TTC29: variants seen among roughly 807,000 people sequenced by gnomAD.
TTC29 encodes the protein tetratricopeptide repeat domain 29.
In TTC29, 49 loss-of-function variants were observed where a neutral mutation model predicts 58.1. The observed-to-expected ratio is 0.84, with a 90% CI of 0.67 to 1.07. TTC29 has a LOEUF of 1.07. Ranked by LOEUF, TTC29 falls within the 50% of genes least tolerant of loss-of-function variation. The pLI is 0.00. For synonymous variants in TTC29, 209 were observed against 196.8 expected, an observed-to-expected ratio of 1.06 and a Z score of -0.52; for missense variants, 582 against 555.6, an observed-to-expected ratio of 1.05 and a Z score of -0.48.
chr4:146,915,249 C>G (rs1017633149), intron 4 of TTC29, among the ~76,000 whole-genome samples: 1 of 152,050 alleles, frequency 6.6e-6, no homozygotes, highest in Non-Finnish European at 1.5e-5. Context: ...TGTATTGTTG[C>G]TTTTTCTTCT....
chr4:146,750,145 C>A (rs1225138835), intron 11 of TTC29, among the ~76,000 whole-genome samples: 1 of 151,990 alleles, frequency 6.6e-6, no homozygotes, highest in Non-Finnish European at 1.5e-5. Flanking sequence ...GTAGCTGGGA[C>A]TACAGGCGCC....
At chr4:146,775,818 T>C (rs1249225223) in intron 11 of TTC29, among the ~76,000 whole-genome samples, 5 of 152,192 alleles carry the variant, frequency 3.3e-5, no homozygotes, top group Non-Finnish European at 1.5e-5. Flanking sequence ...GGTTGGGAAA[T>C]TTTCATGGAT....
chr4:146,839,852 A>G (rs1728743586), intron 8 of TTC29, among the ~76,000 whole-genome samples: 1 of 151,838 alleles, frequency 6.6e-6, no homozygotes, highest in African/African-American at 2.4e-5. Context: ...TTTCCCTGGC[A>G]ATTTGCTCAG....
At chr4:146,793,277 T>A (rs1266470526) in intron 11 of TTC29, among the ~76,000 whole-genome samples, 3 of 152,156 alleles carry the variant, frequency 2.0e-5, no homozygotes, top group Non-Finnish European at 4.4e-5. Context: ...AGTCAATCAA[T>A]GTGACAAACT....
chr4:146,877,358 A>G (rs373392345), intron 6 of TTC29, among the ~76,000 whole-genome samples: 6 of 152,126 alleles, frequency 3.9e-5, no homozygotes, highest in African/African-American at 1.4e-4. Context: ...AGGATATACA[A>G]TGAAAGTTAT....
At chr4:146,726,906 T>G (rs1335860617) in intron 11 of TTC29, among the ~76,000 whole-genome samples, 1 of 152,074 alleles carries the variant, frequency 6.6e-6, no homozygotes, top group Admixed American at 6.5e-5. Flanking sequence ...AATTTTTGCA[T>G]AGATGATTCT....
chr4:146,806,225 C>T (rs977524585), intron 10 of TTC29, among the ~76,000 whole-genome samples: 1 of 152,164 alleles, frequency 6.6e-6, no homozygotes, highest in Non-Finnish European at 1.5e-5. Flanking sequence ...ACAAGAGCTC[C>T]TGAAGGAAAC....
chr4:146,940,512 C>T (rs1736281969), intron 2 of TTC29, among the ~76,000 whole-genome samples: 1 of 152,154 alleles, frequency 6.6e-6, no homozygotes, highest in Non-Finnish European at 1.5e-5. Context: ...TTACATGGTT[C>T]AGGAATAAGG....
chr4:146,761,054 A>C lies in TTC29; in HGVS notation c.1330+42403T>G, dbSNP rs569104037. 4.1e-4 allele frequency among the ~76,000 whole-genome samples: 63 copies of C among 151,874 alleles called. 1 individual carries two copies. The highest frequency in any genetic ancestry group is 1.5e-3 in the African/African-American group (61 of 41,494). On this transcript the variant is annotated intron_variant, in intron 11 of 12. Transcript: ENST00000325106. ...GTGGGAGCTAAGCTATGAGGATGCA[A>C]AGGCATAAGAATGATACAATGGACT...
chr4:146,724,520 ACTT>A (rs1367199815), intron 11 of TTC29, among the ~76,000 whole-genome samples: 4 of 151,494 alleles, frequency 2.6e-5, no homozygotes, highest in African/African-American at 7.3e-5. Context: ...TTTATGTTCA[ACTT>A]CTTTTTTTTT....
chr4:146,739,025 T>G (rs1744927230), intron 11 of TTC29, among the ~76,000 whole-genome samples: 1 of 152,246 alleles, frequency 6.6e-6, no homozygotes, highest in Non-Finnish European at 1.5e-5. Context: ...TGGAGCACAA[T>G]TTTGGCAAAA....
rs759613070 is a variant in TTC29, at chr4:146,764,626, T to A, written c.1330+38831A>T. ...AGTTATGTAAGAATTTTTCCTATTT[T>A]AAAAAAATCATGTTCGAACATAGGT... On this transcript the variant is annotated intron_variant, in intron 11 of 12. Transcript: ENST00000325106. Among the ~76,000 whole-genome samples the A allele has an allele frequency of 9.9e-5, 15 of 152,074 alleles. No homozygotes were observed. In the South Asian group the frequency reaches 1.0e-3, roughly 10 times the overall value.
intron 11 of TTC29, among the ~76,000 whole-genome samples, chr4:146,722,833 G>C (rs1743471108): frequency 6.6e-6 from 1 of 152,058 alleles, no homozygotes; most frequent in African/African-American, 2.4e-5. Context: ...CAGTAGCTGG[G>C]ATTACAGGTA....
intron 8 of TTC29, among the ~76,000 whole-genome samples, chr4:146,839,231 A>G (rs116176934): frequency 0.065 from 9,881 of 152,032 alleles, 422 homozygotes; most frequent in Admixed American, 0.13. Context: ...AATAAGCGCT[A>G]ATATTTGATA....
rs898003435 is a variant in TTC29 at position 146,915,492 on chromosome 4, G to A, written c.177-6243C>T. On this transcript the variant is annotated intron_variant, in intron 4 of 12. Transcript: ENST00000325106. The stretch of plus-strand genomic sequence containing the variant: ...GCATCCAGGAAGAGCAAATTAAATG[G>A]ATATGGTTCCCACTCAAGGGTGTAA... Among the ~76,000 whole-genome samples, 3 of 151,898 alleles carry A rather than the reference G, an allele frequency of 2.0e-5. No individual in the cohort carries two copies. In the East Asian group the frequency reaches 5.8e-4, roughly 29 times the overall value.
At chr4:146,782,931 A>G (rs1196971579) in intron 11 of TTC29, among the ~76,000 whole-genome samples, 1 of 152,018 alleles carries the variant, frequency 6.6e-6, no homozygotes, top group Non-Finnish European at 1.5e-5. Context: ...CCAGAAACCC[A>G]TGTGGTCCCC....
At chr4:146,814,728 A>G (rs1751277222) in intron 10 of TTC29, among the ~76,000 whole-genome samples, 2 of 128,532 alleles carry the variant, frequency 1.6e-5, no homozygotes, top group African/African-American at 5.7e-5. Flanking sequence ...CCATCTCAAA[A>G]AAAAAAAAAA....
intron 8 of TTC29, among the ~76,000 whole-genome samples, chr4:146,837,484 G>T (rs181828354): frequency 2.0e-5 from 3 of 151,956 alleles, no homozygotes; most frequent in Non-Finnish European, 4.4e-5. Flanking sequence ...CACATGTACC[G>T]CTGAACTTAA....
At chr4:146,890,174 G>C (rs1732257186) in intron 6 of TTC29, among the ~76,000 whole-genome samples, 1 of 152,118 alleles carries the variant, frequency 6.6e-6, no homozygotes. Flanking sequence ...CAGTTCTGGA[G>C]GCTGAAAGTT....
Sources: gnomAD v4.1 joint callset for allele counts (sites outside exome capture counted in the v4.1 genomes callset) on GRCh38, gnomAD v4.1.1 for gene constraint, MANE v1.5 for transcripts, NCBI Gene and HGNC (gene_info 2026-07-23, HGNC 2026-07-21) for gene names.